The following DHX30 variants were observed in gnomAD, a reference collection of about 807,000 sequenced individuals.
DHX30 encodes the protein ATP-dependent RNA helicase DHX30.
In DHX30, 4 loss-of-function variants were observed where a neutral mutation model predicts 116.9. The ratio of observed to expected loss-of-function variants is 0.03; its 90% CI spans 0.02 to 0.08. The LOEUF (loss-of-function observed/expected upper bound fraction) is 0.08, where lower values mean the gene tolerates loss of function less well. Ranked by LOEUF, DHX30 falls within the 10% of genes least tolerant of loss-of-function variation. The pLI, the probability that DHX30 is intolerant of heterozygous loss-of-function variation, is 1.00. For missense variants in DHX30, 871 were observed against 1,595.1 expected (o/e 0.55, Z 7.73); for synonymous variants, 697 against 651.7 (o/e 1.07, Z -1.06).
chr3:47,810,846 A>C, intron 3 of DHX30, 135 bp downstream of exon 3: 1 of 883,090 alleles, frequency 1.1e-6, no homozygotes, highest in Non-Finnish European at 1.8e-6. Context: ...CCTTTCCTAT[A>C]GCCTTCCTTT....
chr3:47,841,571 G>C (rs1459710855), intron 7 of DHX30, 46 bp from the exon 8 acceptor site: 1 of 1,613,384 alleles, frequency 6.2e-7, no homozygotes. Context: ...AGGGAAATTG[G>C]TCCAGGAAGA....
At chr3:47,845,271 T>A (rs1202480244) in intron 9 of DHX30, among the ~76,000 whole-genome samples, 1 of 152,120 alleles carries the variant, frequency 6.6e-6, no homozygotes, top group East Asian at 1.9e-4. Flanking sequence ...CACTGCAACC[T>A]GTGTCTCCAG....
intron 4 of DHX30, among the ~76,000 whole-genome samples, chr3:47,824,556 T>C (rs2036453112): frequency 6.6e-6 from 1 of 152,004 alleles, no homozygotes; most frequent in Admixed American, 6.6e-5. Flanking sequence ...CCTCCCAAAG[T>C]GTTGGGATTG....
chr3:47,839,096 A>C (rs545985152), intron 6 of DHX30, among the ~76,000 whole-genome samples: 113 of 152,078 alleles, frequency 7.4e-4, no homozygotes, highest in African/African-American at 2.7e-3. Context: ...GTCTCTCCTG[A>C]TGATGCTTAG....
rs2036674558 is a variant in DHX30, at chr3:47,828,901, C to T, written c.256-123C>T. ...TCTGTCCTCTGTTCTCAACTCTGAA[C>T]CTAGCACATTGCTGCTGTGAGGTCT... On this transcript the variant is annotated intron_variant, in intron 5 of 21. Coordinates refer to ENST00000445061, the MANE Select transcript of DHX30 (RefSeq NM_138615.3). 4.5e-6 allele frequency: 3 copies of T among 667,522 alleles called. No homozygotes were observed. The South Asian group carries it at 4.8e-5, about 11-fold the overall frequency. 41.3% of individuals were successfully genotyped at this position (667,522 alleles called of 1,614,324 possible). A position where few individuals can be genotyped will look rare whatever the true frequency, so the allele number is the denominator to read the frequency against.
intron 4 of DHX30, chr3:47,819,368 G>T: frequency 9.4e-7 from 1 of 1,066,166 alleles, no homozygotes; most frequent in Non-Finnish European, 1.3e-6. Flanking sequence ...GAGCACACGC[G>T]GAGGAGAACA....
intron 6 of DHX30, 103 bp from the exon 7 acceptor site, chr3:47,840,774 C>A: frequency 1.4e-6 from 2 of 1,459,942 alleles, no homozygotes; most frequent in South Asian, 1.2e-5. Context: ...AGATGAAAAA[C>A]CACGGCTGCA....
intron 6 of DHX30, among the ~76,000 whole-genome samples, chr3:47,833,295 T>G (rs573790919): frequency 4.6e-5 from 7 of 151,644 alleles, no homozygotes; most frequent in African/African-American, 1.7e-4. Context: ...GAGGCTGAAG[T>G]AGGCGGATCA....
chr3:47,822,690 C>CA (rs1234375051), intron 4 of DHX30, among the ~76,000 whole-genome samples: 6 of 152,062 alleles, frequency 3.9e-5, no homozygotes, highest in African/African-American at 1.4e-4. Flanking sequence ...GAGACTGAGA[C>CA]AGGAGAATCG....
chr3:47,824,707 C>T (rs976316107), intron 4 of DHX30: 3 of 240,892 alleles, frequency 1.2e-5, no homozygotes, highest in African/African-American at 6.7e-5. Flanking sequence ...CTAGAGGGAA[C>T]TAACTTCGCT....
intron 2 of DHX30, among the ~76,000 whole-genome samples, chr3:47,806,929 C>T (rs1364706370): frequency 6.6e-6 from 1 of 150,978 alleles, no homozygotes; most frequent in Admixed American, 6.6e-5. Flanking sequence ...GCATTATGGC[C>T]GGTCGTGGTG....
rs762812900 is a variant in DHX30 at position 47,841,143 on chromosome 3, C to G, written c.633C>G (p.Thr211=). 1.2e-6 allele frequency: 2 copies of G among 1,614,122 alleles called. No individual in the cohort carries two copies. Among genetic ancestry groups the G allele is most frequent in the Non-Finnish European group, 1.7e-6 (2 of 1,180,026 alleles). ...ATGTTACCGACTTCTTGTCCATGAC[C>G]CAGCAGGATTCCCACGCTCCACTCA... ...TIDVTDFLSM[T]QQDSHAPLRD... is the part of the protein sequence containing the mutation. Residue 211 remains threonine, a synonymous_variant, in exon 7 of 22, where the codon ACC becomes ACG. Transcript: ENST00000445061.
intron 4 of DHX30, among the ~76,000 whole-genome samples, chr3:47,826,931 G>T (rs915097711): frequency 6.6e-6 from 1 of 152,198 alleles, no homozygotes; most frequent in Admixed American, 6.5e-5. Flanking sequence ...GCCTTGCATT[G>T]TCTTGATCTC....
intron 3 of DHX30, among the ~76,000 whole-genome samples, chr3:47,812,119 C>T (rs933582764): frequency 1.0e-4 from 15 of 147,600 alleles, no homozygotes; most frequent in African/African-American, 3.8e-4. Flanking sequence ...ATCCCAGCTA[C>T]TTGGGAGGCT....
chr3:47,829,315 T>TATATG (rs869292091), intron 6 of DHX30, among the ~76,000 whole-genome samples, 181 bp downstream of exon 6: 5 of 32,852 alleles, frequency 1.5e-4, no homozygotes, highest in African/African-American at 5.1e-4. Flanking sequence ...TATATATATA[T>TATATG]TTTTTTTTTT....
intron 6 of DHX30, among the ~76,000 whole-genome samples, chr3:47,832,940 C>CTTTTTT (rs752858732): frequency 1.7e-5 from 2 of 118,730 alleles, no homozygotes; most frequent in African/African-American, 6.4e-5. Flanking sequence ...TGCCTGGCCT[C>CTTTTTT]TTTTTTTTTT....
chr3:47,843,249 A>G lies in DHX30; in HGVS notation c.933A>G (p.Lys311=), dbSNP rs1325852645. Residue 311 remains lysine (K), a synonymous_variant, in exon 9 of 22, where the codon AAA becomes AAG. Coordinates refer to ENST00000445061, the MANE Select transcript of DHX30 (RefSeq NM_138615.3). The part of the protein sequence containing the change: ...ENKAAALACK[K]LKSLGLVDRN... ...AGGCGGCAGCCTTGGCCTGCAAGAA[A>G]CTGAAGGTGAGTCCAGGAAGGTCCT... 1.2e-6 allele frequency: 2 copies of G among 1,614,104 alleles called. No individual in the cohort carries two copies. Among genetic ancestry groups the G allele is most frequent in the Non-Finnish European group, 8.5e-7 (1 of 1,180,026 alleles).
At chr3:47,840,403 G>A (rs2037318546) in intron 6 of DHX30, among the ~76,000 whole-genome samples, 1 of 151,622 alleles carries the variant, frequency 6.6e-6, no homozygotes, top group Non-Finnish European at 1.5e-5. Context: ...CTAGCACTTT[G>A]GGAGGCCAAG....
At chr3:47,806,873 G>A (rs1188730868) in intron 2 of DHX30, among the ~76,000 whole-genome samples, 4 of 151,926 alleles carry the variant, frequency 2.6e-5, no homozygotes, top group South Asian at 2.1e-4. Flanking sequence ...GATTACAGGC[G>A]TGAGCCACCA....
Sources: allele counts gnomAD v4.1 joint callset (sites outside exome capture counted in the v4.1 genomes callset), GRCh38; gene constraint gnomAD v4.1.1; transcripts MANE v1.5; gene names NCBI Gene and HGNC (gene_info 2026-07-23, HGNC 2026-07-21).